The following ZFHX3 variants were observed in gnomAD, a reference collection of about 807,000 sequenced individuals.
The protein encoded by ZFHX3 is zinc finger homeobox protein 3.
A neutral mutation model predicts 279.1 loss-of-function variants in ZFHX3; 42 were observed. The observed-to-expected ratio is 0.15, with a 90% CI of 0.12 to 0.19. The LOEUF (loss-of-function observed/expected upper bound fraction) is 0.19, where lower values mean the gene tolerates loss of function less well. ZFHX3 is among the 10% of genes least tolerant of loss of function. The pLI is 1.00. For synonymous variants in ZFHX3, 2,293 were observed against 1,957.8 expected (o/e 1.17, Z -4.52); for missense variants, 4,981 against 4,754.0 (o/e 1.05, Z -1.40).
At chr16:73,646,211 A>C (rs1316368114) in intron 2 of ZFHX3, among the ~76,000 whole-genome samples, 1 of 152,200 alleles carries the variant, frequency 6.6e-6, no homozygotes, top group East Asian at 1.9e-4. Flanking sequence ...GAGGTGATAG[A>C]TTAAAGAAAG....
At chr16:73,544,063 T>TG (rs1273579622) in intron 2 of ZFHX3, 1 of 152,224 alleles carries the variant, frequency 6.6e-6, no homozygotes, top group African/African-American at 2.4e-5. Flanking sequence ...TCGGCCCTAA[T>TG]GAAGCATCGA....
chr16:73,481,049 G>A (rs530474874), intron 2 of ZFHX3, among the ~76,000 whole-genome samples: 38 of 152,110 alleles, frequency 2.5e-4, no homozygotes, highest in African/African-American at 8.7e-4. Flanking sequence ...CTAAATCCCG[G>A]GCTGGGTGTG....
At chr16:73,747,930 C>A (rs1194344734) in intron 1 of ZFHX3, among the ~76,000 whole-genome samples, 2 of 152,160 alleles carry the variant, frequency 1.3e-5, no homozygotes, top group African/African-American at 4.8e-5. Flanking sequence ...AAGATCTATA[C>A]CCTCGCACAT....
At chr16:72,819,366 C>A (rs896236802) in intron 5 of ZFHX3, among the ~76,000 whole-genome samples, 6 of 152,272 alleles carry the variant, frequency 3.9e-5, no homozygotes, top group African/African-American at 1.4e-4. Flanking sequence ...GTTAAGAAGT[C>A]GATCTCAAAA....
chr16:73,662,799 C>T (rs1319874496), intron 2 of ZFHX3, among the ~76,000 whole-genome samples: 3 of 152,138 alleles, frequency 2.0e-5, no homozygotes, highest in African/African-American at 4.8e-5. Flanking sequence ...ACCCTCATTT[C>T]CTGCACACAT....
intron 1 of ZFHX3, among the ~76,000 whole-genome samples, chr16:73,861,030 T>G (rs1597147881): frequency 6.6e-6 from 1 of 151,312 alleles, no homozygotes; most frequent in Admixed American, 6.6e-5. Flanking sequence ...AGGAGTGCAG[T>G]GGTGCTCACT....
intron 1 of ZFHX3, among the ~76,000 whole-genome samples, chr16:73,696,953 A>G (rs2053203090): frequency 6.6e-6 from 1 of 152,230 alleles, no homozygotes; most frequent in South Asian, 2.1e-4. Context: ...AATTAATTCT[A>G]ATAGCATCTG....
intron 1 of ZFHX3, among the ~76,000 whole-genome samples, chr16:73,809,065 C>T (rs768038744): frequency 1.3e-5 from 2 of 152,084 alleles, no homozygotes; most frequent in Non-Finnish European, 2.9e-5. Flanking sequence ...TGCAATGTTT[C>T]CTAAAAGCAG....
chr16:72,986,317 T>C (rs1962840202), intron 1 of ZFHX3, among the ~76,000 whole-genome samples: 2 of 152,148 alleles, frequency 1.3e-5, no homozygotes, highest in Non-Finnish European at 2.9e-5. Flanking sequence ...GTTTTATCGA[T>C]GGAGGGGGGC....
upstream of ZFHX3, among the ~76,000 whole-genome samples, chr16:73,062,719 C>CAA (rs34849067): frequency 0.019 from 2,742 of 143,184 alleles, 91 homozygotes; most frequent in African/African-American, 0.068. Flanking sequence ...GACACAGAAG[C>CAA]AAAAAAAAAA....
intron 3 of ZFHX3, among the ~76,000 whole-genome samples, chr16:73,377,785 G>A (rs768690347): frequency 1.4e-4 from 21 of 151,248 alleles, no homozygotes; most frequent in African/African-American, 5.1e-4. Context: ...TGTAATCCCA[G>A]CACTTTGGGA....
At chr16:73,747,909 A>T (rs2053718889) in intron 1 of ZFHX3, among the ~76,000 whole-genome samples, 1 of 152,212 alleles carries the variant, frequency 6.6e-6, no homozygotes, top group African/African-American at 2.4e-5. Flanking sequence ...TCAGAGAATA[A>T]TCTGGAATCA....
At chr16:73,505,517 G>C (rs1195490028) in intron 2 of ZFHX3, among the ~76,000 whole-genome samples, 1 of 151,394 alleles carries the variant, frequency 6.6e-6, no homozygotes, top group Non-Finnish European at 1.5e-5. Flanking sequence ...TACTTAGACA[G>C]TCACTCTTAG....
chr16:73,399,399 C>T (rs939678089), intron 3 of ZFHX3, among the ~76,000 whole-genome samples: 3 of 152,102 alleles, frequency 2.0e-5, no homozygotes, highest in Admixed American at 6.5e-5. Flanking sequence ...GAGGGGACTC[C>T]GGTTTCCTGG....
At chr16:72,943,007 C>T (rs1381899471) in intron 3 of ZFHX3, among the ~76,000 whole-genome samples, 4 of 152,258 alleles carry the variant, frequency 2.6e-5, no homozygotes, top group South Asian at 2.1e-4. Flanking sequence ...CCAGTGTCTC[C>T]GAAGACAGTA....
At chr16:73,247,408 A>G (rs1597241262) in intron 5 of ZFHX3, among the ~76,000 whole-genome samples, 1 of 152,022 alleles carries the variant, frequency 6.6e-6, no homozygotes, top group East Asian at 1.9e-4. Context: ...TACTATGTAT[A>G]TAATGTGTCT....
chr16:73,297,304 C>T (rs1035912813), intron 4 of ZFHX3, among the ~76,000 whole-genome samples: 5 of 151,974 alleles, frequency 3.3e-5, no homozygotes, highest in African/African-American at 4.8e-5. Flanking sequence ...TCAAAGCCCA[C>T]GTGTTTAATA....
chr16:73,758,098 C>A (rs542048172), intron 1 of ZFHX3, among the ~76,000 whole-genome samples: 2 of 152,294 alleles, frequency 1.3e-5, no homozygotes, highest in East Asian at 1.9e-4. Context: ...AAATCCTGAA[C>A]AATTCTCTCA....
chr16:72,883,119 A>C (rs2038535934), intron 4 of ZFHX3, among the ~76,000 whole-genome samples: 1 of 151,834 alleles, frequency 6.6e-6, no homozygotes, highest in African/African-American at 2.4e-5. Flanking sequence ...ATATGTAATC[A>C]GAAGCCATCA....
Sources: allele counts gnomAD v4.1 joint callset (sites outside exome capture counted in the v4.1 genomes callset), GRCh38; gene constraint gnomAD v4.1.1; transcripts MANE v1.5; gene names NCBI Gene and HGNC (gene_info 2026-07-23, HGNC 2026-07-21).